Variants in EXTL3 observed in about 807,000 individuals in gnomAD.
EXTL3 encodes exostosin-like 3.
EXTL3 carries 27 observed loss-of-function variants against 69.3 expected under a neutral mutation model. The ratio of observed to expected loss-of-function variants is 0.39; its 90% CI spans 0.29 to 0.54. The LOEUF is 0.54. Among genes scored for constraint, EXTL3 ranks in the 20% least tolerant of loss-of-function variants. The pLI, the probability that EXTL3 is intolerant of heterozygous loss-of-function variation, is 0.69. For missense variants in EXTL3, 1,003 were observed against 1,231.8 expected, an observed-to-expected ratio of 0.81 and a Z score of 2.78; for synonymous variants, 511 against 499.4, an observed-to-expected ratio of 1.02 and a Z score of -0.31.
chr8:28,690,224 CT>C (rs1042957301), intron 1 of EXTL3, among the ~76,000 whole-genome samples: 1 of 150,850 alleles, frequency 6.6e-6, no homozygotes, highest in African/African-American at 2.4e-5. Context: ...TTTCTTTTTT[CT>C]TTTTTTTGAG....
chr8:28,717,680 C>A lies in EXTL3; in HGVS notation c.1621C>A (p.Pro541Thr), dbSNP rs1801192592. 6.2e-7 allele frequency: 1 copy of A among 1,614,244 alleles called. No homozygotes were observed. Among genetic ancestry groups the A allele is most frequent in the African/African-American group, 1.3e-5 (1 of 75,062 alleles). Residue 541 changes from proline (P) to threonine (T), a missense_variant, in exon 3 of 7, where the codon CCA (proline) becomes ACA (threonine). By Grantham distance (38) the Pro-to-Thr change is conservative (BLOSUM62 -1). Coordinates refer to ENST00000220562, the MANE Select transcript of EXTL3 (RefSeq NM_001440.4). The surrounding 1 kb of genome is among the most constrained non-coding windows in gnomAD (Gnocchi z 8.3). ...TATGATTAGGACTCGCATCCAGATC[C>A]CAGCCGCTCCCATCCGGGAAGAGGC... is the stretch of plus-strand genomic sequence containing the variant. ...LAMIRTRIQI[P>T]AAPIREEAAA...
At chr8:28,633,784 A>C (rs1806610729) in intron 1 of EXTL3, among the ~76,000 whole-genome samples, 5 of 152,142 alleles carry the variant, frequency 3.3e-5, no homozygotes, top group Admixed American at 3.3e-4. Flanking sequence ...GCACTGCATT[A>C]GTCTTCAGTG....
intron 1 of EXTL3, among the ~76,000 whole-genome samples, chr8:28,673,607 T>TA (rs1186198010): frequency 6.7e-6 from 1 of 149,954 alleles, no homozygotes; most frequent in East Asian, 1.9e-4. Flanking sequence ...TCATGGGACT[T>TA]ACTATCCATA....
chr8:28,753,552 G>A lies in EXTL3; in HGVS notation c.*2686G>A, dbSNP rs1035709744. On this transcript the variant is annotated 3_prime_UTR_variant, in exon 7 of 7. Transcript: ENST00000220562. The stretch of plus-strand genomic sequence containing the variant: ...TCTGGGAGCTGCGCCGGACAGAGTG[G>A]GGAGCTCCTAGTTTGTGGGGGGAAG... 1 of 152,804 alleles carries A rather than the reference G, an allele frequency of 6.5e-6. No homozygotes were observed. The highest frequency in any genetic ancestry group is 2.4e-5 in the African/African-American group (1 of 41,432). The allele number at this position is 152,804 out of a possible 1,614,324, so 9.5% of individuals were successfully genotyped here. A position where few individuals can be genotyped will look rare whatever the true frequency, so the allele number is the denominator to read the frequency against.
In EXTL3 at chr8:28,733,678, C is replaced by T. The variant is rs1052030347; in HGVS notation, c.2276+2328C>T. Among the ~76,000 whole-genome samples the T allele has an allele frequency of 6.7e-5, 10 of 149,518 alleles. No homozygotes were observed. In the South Asian group the frequency reaches 1.1e-3, roughly 16 times the overall value. On this transcript the variant is annotated intron_variant, in intron 4 of 6. Transcript: ENST00000220562. The stretch of plus-strand genomic sequence containing the variant: ...GATTACAGGCATGAGCCACAGCACC[C>T]GGCCATACAGTTGTGATTTGCATTT...
At position 28,750,423 on chromosome 8, in the gene EXTL3, T is replaced by G. The variant is rs567011998; in HGVS notation, c.2551-234T>G. Among the ~76,000 whole-genome samples, 1 of 152,358 alleles carries G rather than the reference T, an allele frequency of 6.6e-6. No homozygotes were observed. The highest frequency in any genetic ancestry group is 2.1e-4 in the South Asian group (1 of 4,832). On this transcript the variant is annotated intron_variant, in intron 6 of 6. Transcript: ENST00000220562. The surrounding 1 kb of genome is among the most constrained non-coding windows in gnomAD (Gnocchi z 5.2). ...CTGACACTACACACGTTAAGGCTTT[T>G]GGCATCTGAGAAGCGTAGGCCATCT... is the stretch of plus-strand genomic sequence containing the variant.
chr8:28,673,740 T>G (rs767013775), intron 1 of EXTL3, among the ~76,000 whole-genome samples: 9 of 152,202 alleles, frequency 5.9e-5, no homozygotes, highest in Non-Finnish European at 1.0e-4. Context: ...GAAGGAGATA[T>G]CTGGAGATAT....
At chr8:28,637,836 A>C (rs1260960932) in intron 1 of EXTL3, among the ~76,000 whole-genome samples, 1 of 152,098 alleles carries the variant, frequency 6.6e-6, no homozygotes, top group Non-Finnish European at 1.5e-5. Context: ...AATTATTTCT[A>C]TCCAGGGACC....
At chr8:28,661,973 G>A (rs1488218790) in intron 1 of EXTL3, among the ~76,000 whole-genome samples, 3 of 150,614 alleles carry the variant, frequency 2.0e-5, no homozygotes, top group Non-Finnish European at 4.4e-5. Flanking sequence ...AATATGAAAA[G>A]TATAAATATA....
intron 1 of EXTL3, among the ~76,000 whole-genome samples, chr8:28,631,825 C>T (rs1039792438): frequency 1.3e-5 from 2 of 152,210 alleles, no homozygotes; most frequent in African/African-American, 2.4e-5. Flanking sequence ...CACAGTGGCT[C>T]ATGCCTGTAA....
rs1408964291 is a variant in EXTL3, at chr8:28,754,013, T to C, written c.*3147T>C. 1 of 150,910 alleles carries C rather than the reference T, an allele frequency of 6.6e-6. No individual in the cohort carries two copies. Among genetic ancestry groups the C allele is most frequent in the Admixed American group, 6.6e-5 (1 of 15,110 alleles). 9.3% of individuals were successfully genotyped at this position (150,910 alleles called of 1,614,324 possible). ...TGGCCCATATATGCAAAGTTAATTT[T>C]TTCATGGGAATTTAAAATGCGTGTG... On this transcript the variant is annotated 3_prime_UTR_variant, in exon 7 of 7. Coordinates refer to ENST00000220562, the MANE Select transcript of EXTL3 (RefSeq NM_001440.4).
intron 1 of EXTL3, among the ~76,000 whole-genome samples, chr8:28,695,067 T>C (rs1003354160): frequency 1.3e-5 from 2 of 151,764 alleles, no homozygotes; most frequent in African/African-American, 4.8e-5. Context: ...GGGAAGAACA[T>C]GCAGGGTCAT....
chr8:28,619,286 A>AAAAAAC (rs1806373686), upstream of EXTL3, among the ~76,000 whole-genome samples: 1 of 60,774 alleles, frequency 1.6e-5, no homozygotes, highest in Non-Finnish European at 3.4e-5. Flanking sequence ...AAAAAAAAAA[A>AAAAAAC]AAAAAAAAAA....
chr8:28,739,473 C>T (rs1336805222), intron 5 of EXTL3, among the ~76,000 whole-genome samples: 3 of 152,016 alleles, frequency 2.0e-5, no homozygotes, highest in Admixed American at 6.6e-5. Context: ...ACTACAGGCA[C>T]GCATCACCAC....
upstream of EXTL3, among the ~76,000 whole-genome samples, chr8:28,618,189 G>C (rs972459311): frequency 7.2e-5 from 11 of 151,992 alleles, no homozygotes; most frequent in African/African-American, 2.7e-4. Context: ...AGTGAAGCCG[G>C]GCATGGTGGC....
chr8:28,661,327 A>G (rs554633291), intron 1 of EXTL3, among the ~76,000 whole-genome samples: 10 of 151,816 alleles, frequency 6.6e-5, no homozygotes, highest in Non-Finnish European at 1.3e-4. Context: ...GGCTTTATGT[A>G]TATGAGCTTT....
intron 1 of EXTL3, among the ~76,000 whole-genome samples, chr8:28,646,651 A>G (rs1450029557): frequency 2.0e-5 from 3 of 152,212 alleles, no homozygotes; most frequent in African/African-American, 7.2e-5. Flanking sequence ...TAAATTGTTA[A>G]GTTAAATCTG....
rs142578639 is a variant in EXTL3, at chr8:28,654,387, T to C, written c.-53+31577T>C. ...TTTGTTTGTTTGTTTGTTTTTGTTT[T>C]GCTTTTTTAAAGACAGGATCTTGCT... On this transcript the variant is annotated intron_variant, in intron 1 of 6. Coordinates refer to the EXTL3 transcript ENST00000523149. Among the ~76,000 whole-genome samples the C allele has an allele frequency of 6.1e-3, 933 of 152,336 alleles. 9 individuals are homozygous for C. Among genetic ancestry groups the C allele is most frequent in the African/African-American group, 0.021 (887 of 41,580 alleles).
chr8:28,676,740 G>A (rs947396962), intron 1 of EXTL3, among the ~76,000 whole-genome samples: 3 of 152,168 alleles, frequency 2.0e-5, no homozygotes, highest in African/African-American at 7.2e-5. Context: ...ACACCTTAAA[G>A]GGACAGAGGA....
Sources: allele counts gnomAD v4.1 joint callset (sites outside exome capture counted in the v4.1 genomes callset), GRCh38; gene constraint gnomAD v4.1.1; non-coding constraint Gnocchi (gnomAD v3.1); transcripts MANE v1.5; gene names NCBI Gene and HGNC (gene_info 2026-07-23, HGNC 2026-07-21).